Variants in EHMT1 observed in about 807,000 individuals in gnomAD.
The protein encoded by EHMT1 is euchromatic histone lysine methyltransferase 1.
Under a neutral mutation model 147.2 loss-of-function variants are expected in EHMT1, and 15 were observed. The observed-to-expected ratio is 0.10, with a 90% CI of 0.07 to 0.16. The LOEUF is 0.16. EHMT1 is among the 10% of genes least tolerant of loss of function. The pLI is 1.00. For synonymous variants in EHMT1, 795 were observed against 709.6 expected, an observed-to-expected ratio of 1.12 and a Z score of -1.91; for missense variants, 1,587 against 1,772.4, an observed-to-expected ratio of 0.90 and a Z score of 1.88.
intron 10 of EHMT1, 78 bp downstream of exon 10, chr9:137,762,898 C>A: frequency 3.8e-6 from 6 of 1,594,094 alleles, no homozygotes; most frequent in Non-Finnish European, 5.1e-6. Flanking sequence ...CCCCGACAGC[C>A]CCTCGAGTGA....
At chr9:137,676,708 G>A (rs1941373149) in intron 1 of EHMT1, among the ~76,000 whole-genome samples, 1 of 152,218 alleles carries the variant, frequency 6.6e-6, no homozygotes, top group Non-Finnish European at 1.5e-5. Context: ...AGCAGTGGGG[G>A]AAGTGGGTGG....
At chr9:137,701,214 A>G (rs1485860058) in intron 1 of EHMT1, among the ~76,000 whole-genome samples, 1 of 152,044 alleles carries the variant, frequency 6.6e-6, no homozygotes, top group Non-Finnish European at 1.5e-5. Flanking sequence ...GTGGGGACAC[A>G]GAGCAAACCA....
intron 4 of EHMT1, among the ~76,000 whole-genome samples, chr9:137,734,462 T>C (rs141857326): frequency 3.3e-5 from 5 of 152,060 alleles, no homozygotes; most frequent in African/African-American, 1.2e-4. Flanking sequence ...ACAACAAGAC[T>C]GAAGGGAAGT....
intron 1 of EHMT1, among the ~76,000 whole-genome samples, chr9:137,688,265 C>T (rs930961059): frequency 1.3e-5 from 2 of 152,258 alleles, no homozygotes; most frequent in Non-Finnish European, 2.9e-5. Context: ...CTCTAGTGAT[C>T]TGCCTGCCTC....
At chr9:137,623,260 A>G (rs1430968720) in intron 1 of EHMT1, among the ~76,000 whole-genome samples, 2 of 151,598 alleles carry the variant, frequency 1.3e-5, no homozygotes, top group African/African-American at 4.8e-5. Context: ...TCTGCCTGGT[A>G]CACAGCATCA....
chr9:137,733,743 T>C (rs1452863528), intron 4 of EHMT1, among the ~76,000 whole-genome samples: 1 of 152,186 alleles, frequency 6.6e-6, no homozygotes, highest in Non-Finnish European at 1.5e-5. Flanking sequence ...CAGTGCTCTT[T>C]TTATCTCCCC....
intron 1 of EHMT1, among the ~76,000 whole-genome samples, chr9:137,627,308 G>A (rs1379732964): frequency 7.6e-6 from 1 of 131,068 alleles, no homozygotes; most frequent in African/African-American, 2.9e-5. Flanking sequence ...TGTCACCCAC[G>A]CTGGAGTGCA....
At chr9:137,829,419 CTTTA>C (rs1287763293) in intron 25 of EHMT1, among the ~76,000 whole-genome samples, 3 of 152,160 alleles carry the variant, frequency 2.0e-5, no homozygotes, top group South Asian at 2.1e-4. Context: ...TAGTATCTTG[CTTTA>C]TTTGTTTCAT....
chr9:137,708,990 C>T (rs899272357), intron 1 of EHMT1, among the ~76,000 whole-genome samples: 7 of 152,222 alleles, frequency 4.6e-5, no homozygotes, highest in Non-Finnish European at 1.0e-4. Context: ...CATCATCTCA[C>T]TGCCTCATCC....
chr9:137,792,245 C>A, intron 16 of EHMT1: 2 of 363,970 alleles, frequency 5.5e-6, no homozygotes, highest in South Asian at 4.5e-5. Context: ...AAATAAAAAG[C>A]CCAGAAATAA....
chr9:137,759,542 A>AGGGCCAAAGGGCGAGAGCC (rs1949644884), intron 9 of EHMT1, among the ~76,000 whole-genome samples: 1 of 152,220 alleles, frequency 6.6e-6, no homozygotes, highest in Non-Finnish European at 1.5e-5. Context: ...GCCGAGCATC[A>AGGGCCAAAGGGCGAGAGCC]GGGCCAAAGG....
At chr9:137,634,784 C>G (rs925079545) in intron 1 of EHMT1, among the ~76,000 whole-genome samples, 5 of 149,206 alleles carry the variant, frequency 3.4e-5, no homozygotes, top group Non-Finnish European at 7.4e-5. Flanking sequence ...CTCACTGCAA[C>G]CTCTGCCTTC....
chr9:137,722,356 A>G (rs1454826258), intron 3 of EHMT1, among the ~76,000 whole-genome samples: 1 of 152,236 alleles, frequency 6.6e-6, no homozygotes, highest in Non-Finnish European at 1.5e-5. Context: ...ATTACAGCAC[A>G]TCATTTGGTT....
At chr9:137,779,755 C>A in intron 14 of EHMT1, 38 bp downstream of exon 14, 1 of 1,606,914 alleles carries the variant, frequency 6.2e-7, no homozygotes, top group Non-Finnish European at 8.5e-7. Context: ...ATGCAGCCGG[C>A]CCTGTGGCAC....
chr9:137,619,058 C>CG lies in EHMT1; in HGVS notation c.21+13dup. On this transcript the variant is annotated intron_variant, in intron 1 of 26. Coordinates refer to ENST00000460843, the MANE Select transcript of EHMT1 (RefSeq NM_024757.5). ...CCGCCGCCGATGCCGAGGTGAGCAGCGGGGCCGGCGGGGGGCGGCGCGGGG... is the reference window on the plus strand; with the variant it reads ...CCGCCGCCGATGCCGAGGTGAGCAGCGGGGGCCGGCGGGGGGCGGCGCGGGG... The CG allele has an allele frequency of 1.1e-6, 1 of 899,502 alleles. No homozygotes were observed. Among genetic ancestry groups the CG allele is most frequent in the Non-Finnish European group, 1.3e-6 (1 of 754,204 alleles). The allele number at this position is 899,502 out of a possible 1,614,324, so 55.7% of individuals were successfully genotyped here.
At chr9:137,714,555 ATTTTTTTTTTT>A (rs35445261) in intron 2 of EHMT1, among the ~76,000 whole-genome samples, 2 of 84,218 alleles carry the variant, frequency 2.4e-5, no homozygotes, top group Non-Finnish European at 4.8e-5. Context: ...CAGTTTGCTC[ATTTTTTTTTTT>A]TTTTTTTTTT....
intron 1 of EHMT1, among the ~76,000 whole-genome samples, chr9:137,632,083 A>G (rs188315456): frequency 3.9e-5 from 6 of 152,306 alleles, no homozygotes; most frequent in Admixed American, 2.6e-4. Flanking sequence ...TAGATGTGTA[A>G]TAGGTTTGCA....
At chr9:137,730,819 G>T (rs1240083463) in intron 4 of EHMT1, among the ~76,000 whole-genome samples, 1 of 152,236 alleles carries the variant, frequency 6.6e-6, no homozygotes, top group Non-Finnish European at 1.5e-5. Flanking sequence ...GCCGGAATCG[G>T]CTTTCTCCAG....
chr9:137,767,674 G>T (rs11137212), intron 10 of EHMT1, among the ~76,000 whole-genome samples: 1 of 152,026 alleles, frequency 6.6e-6, no homozygotes, highest in African/African-American at 2.4e-5. Flanking sequence ...TTAGATGGGC[G>T]TGGTGGCGGG....
Sources: gnomAD v4.1 joint callset for allele counts (sites outside exome capture counted in the v4.1 genomes callset) on GRCh38, gnomAD v4.1.1 for gene constraint, MANE v1.5 for transcripts, NCBI Gene and HGNC (gene_info 2026-07-23, HGNC 2026-07-21) for gene names.